Variants in PDE4D observed in about 807,000 individuals in gnomAD.
The protein encoded by PDE4D is phosphodiesterase 4D.
PDE4D carries 24 observed loss-of-function variants against 87.4 expected under a neutral mutation model. The ratio of observed to expected loss-of-function variants is 0.27; its 90% CI spans 0.20 to 0.39. The LOEUF is 0.39. Among genes scored for constraint, PDE4D ranks in the 10% least tolerant of loss-of-function variants. The pLI, the probability that PDE4D is intolerant of heterozygous loss-of-function variation, is 1.00. For missense variants in PDE4D, 714 were observed against 1,041.0 expected, an observed-to-expected ratio of 0.69 and a Z score of 4.32; for synonymous variants, 384 against 383.2, an observed-to-expected ratio of 1.00 and a Z score of -0.02.
chr5:59,138,715 TG>T (rs1217871058), intron 5 of PDE4D, among the ~76,000 whole-genome samples: 1 of 152,218 alleles, frequency 6.6e-6, no homozygotes, highest in Non-Finnish European at 1.5e-5. Context: ...TTTTGCCCCC[TG>T]TATCATCCAT....
intron 6 of PDE4D, among the ~76,000 whole-genome samples, chr5:59,024,576 ATCT>A (rs1398519037): frequency 6.6e-6 from 1 of 152,124 alleles, no homozygotes; most frequent in African/African-American, 2.4e-5. Context: ...CATTCTCTTC[ATCT>A]TCTTTTTTTG....
intron 2 of PDE4D, among the ~76,000 whole-genome samples, chr5:60,050,821 A>C (rs1381113531): frequency 3.9e-5 from 6 of 152,230 alleles, no homozygotes. Context: ...CATAGGCTCA[A>C]AACAAAGGGG....
chr5:59,462,367 G>T (rs1800901397), intron 1 of PDE4D, among the ~76,000 whole-genome samples: 1 of 151,862 alleles, frequency 6.6e-6, no homozygotes, highest in Admixed American at 6.6e-5. Flanking sequence ...GGTGTGTCTT[G>T]GCTCAAGTTG....
At chr5:59,900,872 CT>C (rs1314613780) in intron 3 of PDE4D, among the ~76,000 whole-genome samples, 1 of 152,022 alleles carries the variant, frequency 6.6e-6, no homozygotes, top group Non-Finnish European at 1.5e-5. Context: ...GTATAAAGAT[CT>C]TTAGATTCTT....
intron 5 of PDE4D, among the ~76,000 whole-genome samples, chr5:59,173,761 A>C (rs1276245489): frequency 6.6e-6 from 1 of 152,194 alleles, no homozygotes; most frequent in Non-Finnish European, 1.5e-5. Context: ...TTGATGAGGA[A>C]GTAGGGCTTC....
chr5:60,474,108 A>ATATATATATG (rs796843843), intron 1 of PDE4D, among the ~76,000 whole-genome samples: 2 of 52,264 alleles, frequency 3.8e-5, no homozygotes, highest in South Asian at 6.5e-4. Context: ...GAGCTGCCAT[A>ATATATATATG]TATATATATA....
In PDE4D at chr5:59,794,137, GCACACACACACACACACA is replaced by G. The variant is rs58204799; in HGVS notation, c.455+99013_455+99030del. Among the ~76,000 whole-genome samples the G allele has an allele frequency of 4.0e-4, 58 of 145,060 alleles. 2 individuals carry two copies. In the South Asian group the frequency reaches 9.6e-3, roughly 24 times the overall value. On this transcript the variant is annotated intron_variant, in intron 1 of 14. Transcript: ENST00000340635. ...GATACACAGACACACACACAGAGGC[GCACACACACACACACACA>G]CACACACACACACACACACACACAC...
intron 1 of PDE4D, among the ~76,000 whole-genome samples, chr5:59,789,933 G>C (rs1279203715): frequency 1.3e-5 from 2 of 152,208 alleles, no homozygotes; most frequent in Admixed American, 1.3e-4. Context: ...ATTTCTTTCA[G>C]TGTGATCAAT....
chr5:60,472,655 C>T (rs1270630202), intron 1 of PDE4D, among the ~76,000 whole-genome samples: 2 of 152,144 alleles, frequency 1.3e-5, no homozygotes, highest in Non-Finnish European at 2.9e-5. Flanking sequence ...ACTGTCAGTG[C>T]TTCCACTCAA....
At chr5:59,299,429 G>T (rs533022015) in intron 1 of PDE4D, among the ~76,000 whole-genome samples, 1 of 152,188 alleles carries the variant, frequency 6.6e-6, no homozygotes, top group South Asian at 2.1e-4. Context: ...TCCATTTCCT[G>T]TCTCACTTCC....
intron 1 of PDE4D, among the ~76,000 whole-genome samples, chr5:59,635,291 C>A (rs1178261650): frequency 6.6e-6 from 1 of 152,100 alleles, no homozygotes; most frequent in East Asian, 1.9e-4. Flanking sequence ...GAATTCACAG[C>A]CAAATTCTAC....
intron 1 of PDE4D, among the ~76,000 whole-genome samples, chr5:59,717,913 T>G (rs1755259476): frequency 6.6e-6 from 1 of 152,208 alleles, no homozygotes; most frequent in African/African-American, 2.4e-5. Flanking sequence ...TCAGTTACCT[T>G]TGCTAAATCA....
At chr5:60,171,188 A>G (rs1783395241) in intron 2 of PDE4D, among the ~76,000 whole-genome samples, 1 of 152,026 alleles carries the variant, frequency 6.6e-6, no homozygotes, top group Non-Finnish European at 1.5e-5. Context: ...CACAAATCGA[A>G]CTTTGTGGCT....
intron 1 of PDE4D, among the ~76,000 whole-genome samples, chr5:60,287,012 T>A (rs1441530166): frequency 6.6e-6 from 1 of 152,174 alleles, no homozygotes; most frequent in African/African-American, 2.4e-5. Flanking sequence ...CACAACACAC[T>A]GTAAAGACTT....
intron 5 of PDE4D, among the ~76,000 whole-genome samples, chr5:59,153,289 G>C (rs752904537): frequency 3.3e-5 from 5 of 152,104 alleles, no homozygotes; most frequent in Admixed American, 1.3e-4. Context: ...AATGCTACTC[G>C]GACACACCAA....
intron 1 of PDE4D, among the ~76,000 whole-genome samples, chr5:59,562,193 T>C (rs1210533893): frequency 6.6e-6 from 1 of 152,172 alleles, no homozygotes; most frequent in African/African-American, 2.4e-5. Flanking sequence ...CCTTACAAAA[T>C]GAGAGAATTC....
At chr5:59,077,827 T>C (rs1765973958) in intron 5 of PDE4D, among the ~76,000 whole-genome samples, 1 of 152,124 alleles carries the variant, frequency 6.6e-6, no homozygotes, top group Non-Finnish European at 1.5e-5. Flanking sequence ...CTTCCAGCTC[T>C]AGATAAAAAG....
intron 5 of PDE4D, among the ~76,000 whole-genome samples, chr5:59,117,833 G>A (rs1159412748): frequency 6.6e-6 from 1 of 150,910 alleles, no homozygotes; most frequent in Non-Finnish European, 1.5e-5. Flanking sequence ...GTGAGGGGTG[G>A]TGGGATGGTG....
In PDE4D at chr5:59,633,702, C is replaced by G. The variant is rs554137319; in HGVS notation, c.455+259466G>C. Among the ~76,000 whole-genome samples, 104 of 152,160 alleles carry G rather than the reference C, an allele frequency of 6.8e-4. 1 individual carries two copies. In the South Asian group the frequency reaches 0.013, roughly 19 times the overall value. On this transcript the variant is annotated intron_variant, in intron 1 of 14. Transcript: ENST00000340635. Reference sequence around the variant, plus strand: ...CAAGCAAATCCTGAGGGATTTCGTCCCCACCAGGCCTGCCTTACAAGAGCT... The same window carrying G: ...CAAGCAAATCCTGAGGGATTTCGTCGCCACCAGGCCTGCCTTACAAGAGCT...
Sources: gnomAD v4.1 joint callset for allele counts (sites outside exome capture counted in the v4.1 genomes callset) on GRCh38, gnomAD v4.1.1 for gene constraint, MANE v1.5 for transcripts, NCBI Gene and HGNC (gene_info 2026-07-23, HGNC 2026-07-21) for gene names.